FRMD5: variants seen among roughly 807,000 people sequenced by gnomAD.
The protein encoded by FRMD5 is FERM domain containing 5.
Under a neutral mutation model 69.0 loss-of-function variants are expected in FRMD5, and 20 were observed. The ratio of observed to expected loss-of-function variants is 0.29; its 90% CI spans 0.20 to 0.42. The LOEUF is 0.42. FRMD5 is among the 10% of genes least tolerant of loss of function. The pLI, the probability that FRMD5 is intolerant of heterozygous loss-of-function variation, is 1.00. For missense variants in FRMD5, 595 were observed against 708.6 expected, an observed-to-expected ratio of 0.84 and a Z score of 1.82; for synonymous variants, 271 against 260.1, an observed-to-expected ratio of 1.04 and a Z score of -0.40.
At chr15:43,926,570 C>T (rs2089589564) in intron 1 of FRMD5, among the ~76,000 whole-genome samples, 1 of 152,138 alleles carries the variant, frequency 6.6e-6, no homozygotes, top group Non-Finnish European at 1.5e-5. Context: ...TAACTCACCA[C>T]ATACTATCCA....
intron 1 of FRMD5, among the ~76,000 whole-genome samples, chr15:44,031,067 C>G (rs947243139): frequency 6.6e-6 from 1 of 152,056 alleles, no homozygotes; most frequent in Non-Finnish European, 1.5e-5. Flanking sequence ...TGACTAGATA[C>G]TCACATGCTC....
intron 10 of FRMD5, among the ~76,000 whole-genome samples, chr15:43,886,062 TC>T (rs1318346121): frequency 6.6e-6 from 1 of 152,164 alleles, no homozygotes; most frequent in East Asian, 1.9e-4. Flanking sequence ...GGGTGGATGG[TC>T]TTGGGGAATA....
intron 1 of FRMD5, among the ~76,000 whole-genome samples, chr15:43,958,561 T>G (rs2090150100): frequency 1.3e-5 from 2 of 152,126 alleles, no homozygotes; most frequent in African/African-American, 2.4e-5. Flanking sequence ...GCCTCCTGAG[T>G]AACTGGGACT....
At chr15:43,879,543 G>C in intron 13 of FRMD5, 1 of 399,126 alleles carries the variant, frequency 2.5e-6, no homozygotes, top group Non-Finnish European at 4.4e-6. Context: ...GGTCACAGCA[G>C]TCAGGACCCT....
chr15:44,061,767 G>T (rs536952945), intron 1 of FRMD5, among the ~76,000 whole-genome samples: 14 of 152,284 alleles, frequency 9.2e-5, no homozygotes, highest in African/African-American at 3.4e-4. Context: ...CTTTGTCATG[G>T]TCTTTTCTAA....
chr15:44,062,123 T>G (rs1243772773), intron 1 of FRMD5, among the ~76,000 whole-genome samples: 1 of 152,262 alleles, frequency 6.6e-6, no homozygotes, highest in Non-Finnish European at 1.5e-5. Flanking sequence ...CACAGTGATT[T>G]TGTCATTTAT....
chr15:43,944,975 A>AG (rs1287636951), intron 1 of FRMD5, among the ~76,000 whole-genome samples: 2 of 141,096 alleles, frequency 1.4e-5, no homozygotes, highest in African/African-American at 2.8e-5. Context: ...TTTTTGATAG[A>AG]GGGGGGGTTT....
Position 43,979,243 on chromosome 15 carries a change from C to T in FRMD5, c.103-54934G>A, listed in dbSNP as rs143890079. ...ATCCCAGCTACTCAGGAGGCTGAGGCAGAACTGCTTGAACCTGGGAGGTGG... is the reference window on the plus strand; with the variant it reads ...ATCCCAGCTACTCAGGAGGCTGAGGTAGAACTGCTTGAACCTGGGAGGTGG... On this transcript the variant is annotated intron_variant, in intron 1 of 13. Coordinates refer to ENST00000417257, the MANE Select transcript of FRMD5 (RefSeq NM_032892.5). 2.3e-3 allele frequency among the ~76,000 whole-genome samples: 347 copies of T among 151,240 alleles called. 7 individuals carry two copies. The East Asian group carries it at 0.059, about 26-fold the overall frequency.
chr15:43,991,602 G>C (rs1462303551), intron 1 of FRMD5, among the ~76,000 whole-genome samples: 2 of 152,186 alleles, frequency 1.3e-5, no homozygotes, highest in Non-Finnish European at 2.9e-5. Context: ...CATTTACAGG[G>C]AGGACAAATA....
chr15:43,924,073 A>G, intron 2 of FRMD5, 132 bp downstream of exon 2: 1 of 731,058 alleles, frequency 1.4e-6, no homozygotes, highest in East Asian at 2.5e-5. Flanking sequence ...TGATCTGAAG[A>G]GACGACATCC....
intron 1 of FRMD5, among the ~76,000 whole-genome samples, chr15:44,113,433 G>C (rs2076826750): frequency 6.6e-6 from 1 of 152,014 alleles, no homozygotes; most frequent in South Asian, 2.1e-4. Flanking sequence ...TATATTTATG[G>C]GGTATATGAG....
At chr15:44,197,678 CAAAAAAA>C (rs5812271), upstream of FRMD5, among the ~76,000 whole-genome samples, 3 of 84,658 alleles carry the variant, frequency 3.5e-5, no homozygotes, top group South Asian at 4.2e-4. Context: ...GACTCCATCT[CAAAAAAA>C]AAAAAAAAAA....
At chr15:43,978,149 C>G (rs1480822461) in intron 1 of FRMD5, among the ~76,000 whole-genome samples, 3 of 152,176 alleles carry the variant, frequency 2.0e-5, no homozygotes, top group African/African-American at 7.2e-5. Context: ...CGTTGAGTTG[C>G]CTTCTCTCTC....
chr15:43,919,096 A>G, intron 4 of FRMD5: 2 of 368,854 alleles, frequency 5.4e-6, no homozygotes, highest in Non-Finnish European at 1.1e-5. Flanking sequence ...GACCACTTGA[A>G]TCTATTTGCA....
At chr15:44,127,304 C>G (rs2077037234) in intron 1 of FRMD5, among the ~76,000 whole-genome samples, 2 of 152,228 alleles carry the variant, frequency 1.3e-5, no homozygotes, top group Admixed American at 6.5e-5. Context: ...GTTGGCCAGC[C>G]TGGTCTCAGA....
intron 3 of FRMD5, 97 bp downstream of exon 3, chr15:43,919,670 G>A (rs2016840): frequency 0.31 from 445,354 of 1,448,186 alleles, 80,931 homozygotes; most frequent in African/African-American, 0.82. Context: ...AGAACAGTGG[G>A]AAATTATATA....
At chr15:44,076,857 T>G (rs117537059) in intron 1 of FRMD5, among the ~76,000 whole-genome samples, 2 of 152,002 alleles carry the variant, frequency 1.3e-5, no homozygotes, top group Non-Finnish European at 1.5e-5. Context: ...ATACCTCTTA[T>G]AGTCATCTCT....
chr15:44,084,927 C>G (rs1273574080), intron 1 of FRMD5, among the ~76,000 whole-genome samples: 1 of 152,058 alleles, frequency 6.6e-6, no homozygotes, highest in Admixed American at 6.6e-5. Context: ...CTTTGATATA[C>G]AATCTGGGGA....
intron 1 of FRMD5, among the ~76,000 whole-genome samples, chr15:43,972,696 T>C (rs1488702327): frequency 6.6e-6 from 1 of 152,238 alleles, no homozygotes; most frequent in African/African-American, 2.4e-5. Flanking sequence ...TATGGTTTTC[T>C]AGCCTCCACG....
Sources: allele counts gnomAD v4.1 joint callset (sites outside exome capture counted in the v4.1 genomes callset), GRCh38; gene constraint gnomAD v4.1.1; transcripts MANE v1.5; gene names NCBI Gene and HGNC (gene_info 2026-07-23, HGNC 2026-07-21).